The following GPC6 variants were observed in gnomAD, a reference collection of about 807,000 sequenced individuals.
GPC6 encodes the protein glypican-6.
GPC6 carries 14 observed loss-of-function variants against 55.2 expected under a neutral mutation model. The observed-to-expected ratio is 0.25, with a 90% CI of 0.17 to 0.40. The LOEUF (loss-of-function observed/expected upper bound fraction) is 0.40. GPC6 is among the 10% of genes least tolerant of loss of function. GPC6 has a pLI of 1.00. For synonymous variants in GPC6, 278 were observed against 259.6 expected (o/e 1.07, Z -0.68); for missense variants, 641 against 708.5 (o/e 0.90, Z 1.08).
intron 4 of GPC6, among the ~76,000 whole-genome samples, chr13:94,181,409 T>C (rs9524364): frequency 0.35 from 53,427 of 152,122 alleles, 9,672 homozygotes; most frequent in Middle Eastern, 0.42. Context: ...CGTTGAAATA[T>C]TGGGGGCTGG....
At chr13:94,283,055 A>G (rs1249211709) in intron 4 of GPC6, among the ~76,000 whole-genome samples, 3 of 152,250 alleles carry the variant, frequency 2.0e-5, no homozygotes, top group African/African-American at 7.2e-5. Context: ...TTAATTTAAC[A>G]TAAAAAAGAT....
intron 2 of GPC6, among the ~76,000 whole-genome samples, chr13:93,747,450 A>G (rs1884433349): frequency 6.6e-6 from 1 of 152,156 alleles, no homozygotes; most frequent in African/African-American, 2.4e-5. Flanking sequence ...GCCTTCTACC[A>G]GCTATTCTCC....
At chr13:93,814,832 G>T (rs1378371174) in intron 2 of GPC6, among the ~76,000 whole-genome samples, 4 of 152,204 alleles carry the variant, frequency 2.6e-5, no homozygotes. Flanking sequence ...TGCTCTTGAT[G>T]ATAACTGAAT....
At chr13:94,266,583 AT>A (rs1289560532) in intron 4 of GPC6, among the ~76,000 whole-genome samples, 1 of 151,756 alleles carries the variant, frequency 6.6e-6, no homozygotes, top group Non-Finnish European at 1.5e-5. Flanking sequence ...ACTTCTAGCA[AT>A]TCTAGCAAAC....
At chr13:94,014,385 T>C (rs2138703177) in intron 3 of GPC6, among the ~76,000 whole-genome samples, 1 of 152,360 alleles carries the variant, frequency 6.6e-6, no homozygotes, top group Non-Finnish European at 1.5e-5. Flanking sequence ...TATAACTACA[T>C]GGGTAAATAC....
At chr13:94,251,411 A>G (rs1207399607) in intron 4 of GPC6, among the ~76,000 whole-genome samples, 1 of 151,738 alleles carries the variant, frequency 6.6e-6, no homozygotes, top group Non-Finnish European at 1.5e-5. Flanking sequence ...TGGCACACAT[A>G]TACCTATGTA....
At chr13:93,801,754 A>G (rs543653425) in intron 2 of GPC6, among the ~76,000 whole-genome samples, 1 of 152,324 alleles carries the variant, frequency 6.6e-6, no homozygotes, top group South Asian at 2.1e-4. Context: ...ATTCTTACAC[A>G]TTTTGTAAAT....
chr13:94,336,189 T>G (rs60386960), intron 6 of GPC6, among the ~76,000 whole-genome samples: 6,356 of 152,224 alleles, frequency 0.042, 199 homozygotes, highest in African/African-American at 0.087. Flanking sequence ...CCTCCTGTTC[T>G]CCTGCTAGCT....
intron 1 of GPC6, among the ~76,000 whole-genome samples, chr13:93,485,755 G>A (rs1286787065): frequency 6.6e-6 from 1 of 152,164 alleles, no homozygotes; most frequent in Non-Finnish European, 1.5e-5. Context: ...GTGGGGTACA[G>A]TAATGGTTAG....
chr13:94,009,039 A>G (rs1375419329), intron 3 of GPC6, among the ~76,000 whole-genome samples: 4 of 152,172 alleles, frequency 2.6e-5, no homozygotes, highest in African/African-American at 9.7e-5. Flanking sequence ...ATTCCTTCAG[A>G]TTGAGTTATC....
intron 1 of GPC6, among the ~76,000 whole-genome samples, chr13:93,339,828 T>A (rs925131092): frequency 3.3e-5 from 5 of 152,090 alleles, no homozygotes; most frequent in Non-Finnish European, 5.9e-5. Context: ...TTATAACTTA[T>A]GAAGTTGGGA....
At chr13:94,146,687 A>G (rs1195736697) in intron 4 of GPC6, among the ~76,000 whole-genome samples, 1 of 152,166 alleles carries the variant, frequency 6.6e-6, no homozygotes, top group Non-Finnish European at 1.5e-5. Context: ...AAGATTTAAA[A>G]AGAGAGATCA....
chr13:93,728,965 A>G (rs1022777044), intron 2 of GPC6, among the ~76,000 whole-genome samples: 3 of 152,192 alleles, frequency 2.0e-5, no homozygotes, highest in African/African-American at 7.2e-5. Context: ...TCAGTCTACA[A>G]CTAATGGTTG....
Position 94,402,626 on chromosome 13 carries a change from A to G in GPC6, c.1466-389A>G, listed in dbSNP as rs145507903. Among the ~76,000 whole-genome samples the G allele has an allele frequency of 5.6e-4, 85 of 152,326 alleles. 1 individual carries two copies. The East Asian group carries it at 0.014, about 25-fold the overall frequency. Reference sequence around the variant, plus strand: ...TGTATTAGTCCGTTTTCATACTGCTATAAAGAACTGCCCGAGACTGGGTAA... The same window carrying G: ...TGTATTAGTCCGTTTTCATACTGCTGTAAAGAACTGCCCGAGACTGGGTAA... On this transcript the variant is annotated intron_variant, in intron 8 of 8. Transcript: ENST00000377047.
chr13:93,582,153 A>G (rs962113397), intron 2 of GPC6, among the ~76,000 whole-genome samples: 5 of 152,214 alleles, frequency 3.3e-5, no homozygotes, highest in African/African-American at 9.6e-5. Flanking sequence ...TGTTATTTTT[A>G]GTTTTAAATA....
intron 3 of GPC6, among the ~76,000 whole-genome samples, chr13:93,856,038 A>G (rs1256111584): frequency 2.6e-5 from 4 of 151,552 alleles, no homozygotes; most frequent in Non-Finnish European, 4.4e-5. Flanking sequence ...ATTTTAATGA[A>G]GTCCAGTGTA....
intron 2 of GPC6, among the ~76,000 whole-genome samples, chr13:93,572,596 C>T (rs1306853725): frequency 6.6e-6 from 1 of 152,020 alleles, no homozygotes; most frequent in Non-Finnish European, 1.5e-5. Flanking sequence ...TCTTAAGCTT[C>T]AAGGAGTATT....
intron 1 of GPC6, among the ~76,000 whole-genome samples, chr13:93,368,913 CTGACTCT>C (rs1184309412): frequency 6.6e-6 from 1 of 152,046 alleles, no homozygotes; most frequent in Non-Finnish European, 1.5e-5. Flanking sequence ...TTCATAATTG[CTGACTCT>C]TTGCACTCTC....
chr13:93,306,124 A>C (rs1878848452), intron 1 of GPC6, among the ~76,000 whole-genome samples: 2 of 152,220 alleles, frequency 1.3e-5, no homozygotes, highest in Admixed American at 1.3e-4. Flanking sequence ...GAACAGTCAC[A>C]TTCCAATGTA....
Sources: gnomAD v4.1 joint callset for allele counts (sites outside exome capture counted in the v4.1 genomes callset) on GRCh38, gnomAD v4.1.1 for gene constraint, MANE v1.5 for transcripts, NCBI Gene and HGNC (gene_info 2026-07-23, HGNC 2026-07-21) for gene names.